The following SHROOM3 variants were observed in gnomAD, a reference collection of about 807,000 sequenced individuals.
SHROOM3 encodes the protein shroom family member 3.
In SHROOM3, 47 loss-of-function variants were observed where a neutral mutation model predicts 138.6. The observed-to-expected ratio is 0.34, with a 90% CI of 0.27 to 0.43. The LOEUF is 0.43. SHROOM3 is among the 20% of genes least tolerant of loss of function. SHROOM3 has a pLI of 1.00. For missense variants in SHROOM3, 2,491 were observed against 2,596.5 expected (o/e 0.96, Z 0.88); for synonymous variants, 1,062 against 1,063.3 (o/e 1.00, Z 0.02).
intron 2 of SHROOM3, among the ~76,000 whole-genome samples, chr4:76,698,374 A>T (rs573106200): frequency 6.6e-6 from 1 of 152,332 alleles, no homozygotes; most frequent in African/African-American, 2.4e-5. Flanking sequence ...CATTTTTGCT[A>T]AGATTCCTCA....
At chr4:76,730,749 G>A in intron 3 of SHROOM3, 55 bp from the exon 4 acceptor site, 2 of 1,611,700 alleles carry the variant, frequency 1.2e-6, no homozygotes, top group Non-Finnish European at 1.7e-6. Flanking sequence ...CATCAGTGAG[G>A]AGACTCAGCT....
Position 76,529,614 on chromosome 4 carries a change from C to T in SHROOM3, c.169-25995C>T, listed in dbSNP as rs371663183. 4.6e-5 allele frequency among the ~76,000 whole-genome samples: 7 copies of T among 152,252 alleles called. No individual in the cohort carries two copies. The East Asian group carries it at 5.8e-4, about 13-fold the overall frequency. On this transcript the variant is annotated intron_variant, in intron 1 of 10. Coordinates refer to ENST00000296043, the MANE Select transcript of SHROOM3 (RefSeq NM_020859.4). Reference sequence around the variant, plus strand: ...TGCTGGGGTTACAGGCATGAGCCACCGAGCCCAGCCTGTAGGATTTTTGAT... The same window carrying T: ...TGCTGGGGTTACAGGCATGAGCCACTGAGCCCAGCCTGTAGGATTTTTGAT...
intron 1 of SHROOM3, among the ~76,000 whole-genome samples, chr4:76,449,144 C>G (rs75873380): frequency 0.028 from 4,191 of 152,284 alleles, 186 homozygotes; most frequent in African/African-American, 0.095. Context: ...GTAGGATCCA[C>G]TCTCTTGTTC....
chr4:76,698,213 C>T (rs966605070), intron 2 of SHROOM3, among the ~76,000 whole-genome samples: 4 of 152,058 alleles, frequency 2.6e-5, no homozygotes, highest in Non-Finnish European at 5.9e-5. Context: ...CTATTATATA[C>T]CCTAAAAAGC....
chr4:76,709,795 G>A (rs1381325376), intron 2 of SHROOM3: 1 of 290,776 alleles, frequency 3.4e-6, no homozygotes, highest in Non-Finnish European at 6.7e-6. Context: ...GTTTGCTTCA[G>A]TGAATCCAGT....
chr4:76,548,923 A>G (rs1238760064), intron 1 of SHROOM3, among the ~76,000 whole-genome samples: 2 of 151,208 alleles, frequency 1.3e-5, no homozygotes, highest in Non-Finnish European at 1.5e-5. Flanking sequence ...ACCTGTTGAC[A>G]GTCGCATTCT....
chr4:76,757,727 C>T lies in SHROOM3; in HGVS notation c.5198+790C>T, dbSNP rs566610351. Among the ~76,000 whole-genome samples the T allele has an allele frequency of 2.6e-5, 4 of 152,320 alleles. No individual in the cohort carries two copies. The East Asian group carries it at 7.7e-4, about 29-fold the overall frequency. The stretch of plus-strand genomic sequence containing the variant: ...AGCTCCTTGAGCCAGCCATGTAACA[C>T]GTGTCCCAGTGTGCAGTCTGTGCTT... On this transcript the variant is annotated intron_variant, in intron 8 of 10. Coordinates refer to ENST00000296043, the MANE Select transcript of SHROOM3 (RefSeq NM_020859.4).
intron 1 of SHROOM3, among the ~76,000 whole-genome samples, chr4:76,534,738 C>T (rs896980583): frequency 6.6e-6 from 1 of 152,090 alleles, no homozygotes; most frequent in South Asian, 2.1e-4. Context: ...GTACTCTACC[C>T]ATTGTCCTGG....
intron 2 of SHROOM3, among the ~76,000 whole-genome samples, chr4:76,633,190 G>A (rs912826590): frequency 2.0e-5 from 3 of 151,598 alleles, no homozygotes; most frequent in Non-Finnish European, 2.9e-5. Flanking sequence ...GGCTAACTTG[G>A]TGAGTCTCTA....
chr4:76,561,676 T>C (rs1440703959), intron 2 of SHROOM3, among the ~76,000 whole-genome samples: 2 of 137,216 alleles, frequency 1.5e-5, no homozygotes, highest in African/African-American at 5.5e-5. Flanking sequence ...TTTAGAAATA[T>C]CTGTGATGCT....
intron 3 of SHROOM3, among the ~76,000 whole-genome samples, chr4:76,727,922 G>C (rs941337055): frequency 4.2e-5 from 6 of 142,856 alleles, no homozygotes; most frequent in African/African-American, 1.5e-4. Flanking sequence ...AGAAGGCCAA[G>C]GTGGGCGGAT....
At chr4:76,731,014 T>G in intron 4 of SHROOM3, 79 bp downstream of exon 4, 1 of 1,578,538 alleles carries the variant, frequency 6.3e-7, no homozygotes, top group Non-Finnish European at 8.7e-7. Flanking sequence ...TTCTTCTCTG[T>G]TTTGAGAATG....
intron 2 of SHROOM3, among the ~76,000 whole-genome samples, chr4:76,694,546 C>G (rs149817124): frequency 6.6e-6 from 1 of 152,158 alleles, no homozygotes; most frequent in East Asian, 1.9e-4. Context: ...CAATTGAGTA[C>G]AGTGGAAAGG....
At chr4:76,502,724 T>G (rs34870364) in intron 1 of SHROOM3, among the ~76,000 whole-genome samples, 1 of 152,114 alleles carries the variant, frequency 6.6e-6, no homozygotes, top group African/African-American at 2.4e-5. Context: ...TACAATATCA[T>G]AAGAATGTTT....
intron 1 of SHROOM3, among the ~76,000 whole-genome samples, chr4:76,499,714 C>T (rs1363349077): frequency 6.6e-6 from 1 of 152,132 alleles, no homozygotes; most frequent in Non-Finnish European, 1.5e-5. Flanking sequence ...AGAAGAGGTT[C>T]TTCCTGGACA....
chr4:76,609,269 A>G (rs567497543), intron 2 of SHROOM3, among the ~76,000 whole-genome samples: 20 of 152,230 alleles, frequency 1.3e-4, no homozygotes, highest in Non-Finnish European at 2.6e-4. Flanking sequence ...GTCCATATAG[A>G]CAATCTGTTT....
chr4:76,570,486 C>T (rs920650249), intron 2 of SHROOM3, among the ~76,000 whole-genome samples: 1 of 152,180 alleles, frequency 6.6e-6, no homozygotes, highest in Non-Finnish European at 1.5e-5. Context: ...CCTTTGTTTG[C>T]CATTCCTCGT....
intron 3 of SHROOM3, among the ~76,000 whole-genome samples, chr4:76,725,750 A>G (rs1364200913): frequency 2.0e-5 from 3 of 152,130 alleles, no homozygotes; most frequent in South Asian, 2.1e-4. Flanking sequence ...CCTTTCTTCT[A>G]TCTCAACAGC....
intron 5 of SHROOM3, among the ~76,000 whole-genome samples, chr4:76,743,201 G>T (rs962395702): frequency 6.6e-6 from 1 of 152,214 alleles, no homozygotes. Flanking sequence ...GGGATGCATT[G>T]ATGGGAAGAA....
Sources: allele counts gnomAD v4.1 joint callset (sites outside exome capture counted in the v4.1 genomes callset), GRCh38; gene constraint gnomAD v4.1.1; transcripts MANE v1.5; gene names NCBI Gene and HGNC (gene_info 2026-07-23, HGNC 2026-07-21).